COL1A1: variants seen among roughly 807,000 people sequenced by gnomAD.
COL1A1 encodes collagen type I alpha 1 chain.
In COL1A1, 21 loss-of-function variants were observed where a neutral mutation model predicts 195.7. That is an observed-to-expected ratio of 0.11 (90% confidence interval 0.08 to 0.15). COL1A1 has a LOEUF of 0.15. COL1A1 is among the 10% of genes least tolerant of loss of function. The pLI, the probability that COL1A1 is intolerant of heterozygous loss-of-function variation, is 1.00. For missense variants in COL1A1, 1,365 were observed against 2,051.0 expected, an observed-to-expected ratio of 0.67 and a Z score of 6.46; for synonymous variants, 749 against 747.3, an observed-to-expected ratio of 1.00 and a Z score of -0.04.
At position 50,201,589 on chromosome 17, in the gene COL1A1, C is replaced by T. The variant is rs1036238882; in HGVS notation, c.-76G>A. 6.0e-6 allele frequency: 8 copies of T among 1,336,728 alleles called. No individual in the cohort carries two copies. Among genetic ancestry groups the T allele is most frequent in the Middle Eastern group, 2.6e-4 (1 of 3,850 alleles). The allele number at this position is 1,336,728 out of a possible 1,614,324, so 82.8% of individuals were successfully genotyped here. On this transcript the variant is annotated 5_prime_UTR_variant, in exon 1 of 51. Coordinates refer to ENST00000225964, the MANE Select transcript of COL1A1 (RefSeq NM_000088.4). ...TCCGCTCATGCGTGGCCTCACACTC[C>T]GCGTGCCTCCTGCTCCGACCCCGAG... is the stretch of plus-strand genomic sequence containing the variant.
At chr17:50,201,382 C>G in intron 1 of COL1A1, 29 bp downstream of exon 1, 3 of 1,607,520 alleles carry the variant, frequency 1.9e-6, no homozygotes, top group Non-Finnish European at 2.6e-6. Flanking sequence ...TATAGAGTAT[C>G]CTTGCACTCC....
chr17:50,185,449 GT>G lies in COL1A1; in HGVS notation c.*52del. The G allele has an allele frequency of 1.2e-6, 2 of 1,610,796 alleles. No individual in the cohort carries two copies. Among genetic ancestry groups the G allele is most frequent in the Non-Finnish European group, 1.7e-6 (2 of 1,177,848 alleles). On this transcript the variant is annotated 3_prime_UTR_variant, in exon 51 of 51. Transcript: ENST00000225964. ...GTTTGGGTTGCTTGTCTGTTTCCGG[GT>G]TGGGGGGAAAGTTGGTTGGGTGGGA...
chr17:50,189,703 G>C lies in COL1A1; in HGVS notation c.2643C>G (p.Gly881=), dbSNP rs1414204760. Residue 881 remains glycine, a synonymous_variant, in exon 38 of 51, where the codon GGC becomes GGG. Transcript: ENST00000225964. This position sits in a 1 kb window ranked among gnomAD's most constrained non-coding sequence, Gnocchi z 5.5. ...CAGAGGGGCCAGGAGGACCGACTCG[G>C]CCAGCAGCACCAGGGAAACCAGTAG... ...PGATGFPGAA[G]RVGPPGPSGN... 13 of 1,614,052 alleles carry C rather than the reference G, an allele frequency of 8.1e-6. No homozygotes were observed. The highest frequency in any genetic ancestry group is 1.1e-5 in the Non-Finnish European group (13 of 1,179,994).
rs1906605479 is a variant in COL1A1 at position 50,187,019 on chromosome 17, G to A, written c.3527C>T (p.Pro1176Leu). Residue 1176 changes from proline to leucine, a missense_variant, in exon 47 of 51, where the codon CCT becomes CTT. Around this residue, in one of 5 missense-constraint regions of COL1A1, gnomAD observed 671 missense variants for 1,099.9 expected, o/e 0.61. Coordinates refer to ENST00000225964, the MANE Select transcript of COL1A1 (RefSeq NM_000088.4). ...AGGGGATGAGGGGCTACATACAACA[G>A]GACCAGCATCACCAGTGCGACCGCG... The part of the protein sequence containing the change: ...GPRGRTGDAG[P>L]VGPPGPPGPP... 1 of 1,613,400 alleles carries A rather than the reference G, an allele frequency of 6.2e-7. No homozygotes were observed. Among genetic ancestry groups the A allele is most frequent in the Non-Finnish European group, 8.5e-7 (1 of 1,179,724 alleles).
rs1466857238 is a variant in COL1A1 at position 50,188,381 on chromosome 17, A to C, written c.3207+149T>G. The C allele has an allele frequency of 6.5e-6, 6 of 916,670 alleles. No individual in the cohort carries two copies. The East Asian group carries it at 1.5e-4, about 23-fold the overall frequency. The allele number at this position is 916,670 out of a possible 1,614,324, so 56.8% of individuals were successfully genotyped here. A position where few individuals can be genotyped will look rare whatever the true frequency, so the allele number is the denominator to read the frequency against. The stretch of plus-strand genomic sequence containing the variant: ...GGGACTTGGGGCTGAGCTTTAACTC[A>C]GTTTTTTGGATTAAGGCCCTGACAT... On this transcript the variant is annotated intron_variant, in intron 43 of 50. Coordinates refer to ENST00000225964, the MANE Select transcript of COL1A1 (RefSeq NM_000088.4). This position sits in a 1 kb window ranked among gnomAD's most constrained non-coding sequence, Gnocchi z 5.6.
rs1907392216 is a variant in COL1A1 at position 50,194,548 on chromosome 17, C to T, written c.1515+25G>A. 6.2e-7 allele frequency: 1 copy of T among 1,601,992 alleles called. No individual in the cohort carries two copies. Among genetic ancestry groups the T allele is most frequent in the East Asian group, 2.3e-5 (1 of 44,194 alleles). ...GATGCCCAGGGAGCGGCAGGGTCAGCCCCCCGGCCGCAAGGAGAGGTTACC... is the reference window on the plus strand; with the variant it reads ...GATGCCCAGGGAGCGGCAGGGTCAGTCCCCCGGCCGCAAGGAGAGGTTACC... On this transcript the variant is annotated intron_variant, in intron 22 of 50. Transcript: ENST00000225964. This position sits in a 1 kb window ranked among gnomAD's most constrained non-coding sequence, Gnocchi z 6.8.
At chr17:50,191,191 C>T (rs1206789688) in intron 32 of COL1A1, among the ~76,000 whole-genome samples, 192 bp downstream of exon 32, 2 of 151,980 alleles carry the variant, frequency 1.3e-5, no homozygotes, top group East Asian at 1.9e-4. Flanking sequence ...ACCATGGTAA[C>T]CCATGGGGAT....
chr17:50,191,045 C>A (rs1452083952), intron 32 of COL1A1, 121 bp from the exon 33 acceptor site: 6 of 943,998 alleles, frequency 6.4e-6, no homozygotes, highest in Non-Finnish European at 8.3e-6. Context: ...CCACCTGGGC[C>A]AAGGACTCAA....
chr17:50,189,369 G>A lies in COL1A1; in HGVS notation c.2829+8C>T, dbSNP rs375531492. The A allele has an allele frequency of 8.1e-6, 13 of 1,613,342 alleles. No homozygotes were observed. The highest frequency in any genetic ancestry group is 1.1e-5 in the South Asian group (1 of 91,070). Reference sequence around the variant, plus strand: ...TCCGGAGCTGCAGAGATCTGAGCTGGCACTTACAGCAGGACCATCAGCACC... The same window carrying A: ...TCCGGAGCTGCAGAGATCTGAGCTGACACTTACAGCAGGACCATCAGCACC... On this transcript the variant is annotated splice_region_variant and intron_variant, in intron 39 of 50. Coordinates refer to ENST00000225964, the MANE Select transcript of COL1A1 (RefSeq NM_000088.4). This position sits in a 1 kb window ranked among gnomAD's most constrained non-coding sequence, Gnocchi z 5.5.
chr17:50,189,690 G>A lies in COL1A1; in HGVS notation c.2656C>T (p.Pro886Ser). 1 of 1,614,064 alleles carries A rather than the reference G, an allele frequency of 6.2e-7. No homozygotes were observed. Among genetic ancestry groups the A allele is most frequent in the Non-Finnish European group, 8.5e-7 (1 of 1,180,002 alleles). ...FPGAAGRVGP[P>S]GPSGNAGPPG... The stretch of plus-strand genomic sequence containing the variant: ...CTGCAGAGACTTACAGAGGGGCCAG[G>A]AGGACCGACTCGGCCAGCAGCACCA... The change falls in exon 38 of 51, where the codon CCT (proline) becomes TCT (serine). Residue 886 changes from proline to serine, a missense_variant. Pro to Ser is a moderately conservative substitution (Grantham distance 74, BLOSUM62 -1). This residue lies in a region of COL1A1 where 671 missense variants were observed against 1,099.9 expected (regional missense o/e 0.61). Transcript: ENST00000225964. The surrounding 1 kb of genome is among the most constrained non-coding windows in gnomAD (Gnocchi z 5.5).
At position 50,189,383 on chromosome 17, in the gene COL1A1, A is replaced by G; in HGVS notation, c.2823T>C (p.Gly941=). 1 of 1,613,164 alleles carries G rather than the reference A, an allele frequency of 6.2e-7. No individual in the cohort carries two copies. The highest frequency in any genetic ancestry group is 8.5e-7 in the Non-Finnish European group (1 of 1,179,774). Reference sequence around the variant, plus strand: ...GATCTGAGCTGGCACTTACAGCAGGACCATCAGCACCAGGGGATCCTTTCT... The same window carrying G: ...GATCTGAGCTGGCACTTACAGCAGGGCCATCAGCACCAGGGGATCCTTTCT... ...AGEKGSPGAD[G]PAGAPGTPGP... is the part of the protein sequence containing the mutation. The change falls in exon 39 of 51, where the codon GGT becomes GGC. Residue 941 remains glycine, a synonymous_variant. Coordinates refer to ENST00000225964, the MANE Select transcript of COL1A1 (RefSeq NM_000088.4). The surrounding 1 kb of genome is among the most constrained non-coding windows in gnomAD (Gnocchi z 5.5).
In COL1A1 at chr17:50,190,134, T is replaced by C. The variant is rs891116121; in HGVS notation, c.2452-26A>G. 1.9e-6 allele frequency: 3 copies of C among 1,595,544 alleles called. No individual in the cohort carries two copies. The highest frequency in any genetic ancestry group is 2.6e-6 in the Non-Finnish European group (3 of 1,163,686). On this transcript the variant is annotated intron_variant, in intron 35 of 50. Transcript: ENST00000225964. The surrounding 1 kb of genome is among the most constrained non-coding windows in gnomAD (Gnocchi z 4.7). ...CTGGGGGAGGAAGCAGGGCGGTGAA[T>C]GGAGGGAAGGAGGCAGGAGTTTCCA...
At position 50,189,667 on chromosome 17, in the gene COL1A1, G is replaced by A. The variant is rs775378880; in HGVS notation, c.2667+12C>T. 5.6e-6 allele frequency: 9 copies of A among 1,613,786 alleles called. No homozygotes were observed. Among genetic ancestry groups the A allele is most frequent in the East Asian group, 4.5e-5 (2 of 44,888 alleles). On this transcript the variant is annotated intron_variant, in intron 38 of 50. Coordinates refer to ENST00000225964, the MANE Select transcript of COL1A1 (RefSeq NM_000088.4). This position sits in a 1 kb window ranked among gnomAD's most constrained non-coding sequence, Gnocchi z 5.5. ...CCAACCTAGAGCAGTGGACTCTGCT[G>A]CAGAGACTTACAGAGGGGCCAGGAG...
At position 50,188,653 on chromosome 17, in the gene COL1A1, G is replaced by A. The variant is rs753264677; in HGVS notation, c.3100-16C>T. On this transcript the variant is annotated splice_polypyrimidine_tract_variant and intron_variant, in intron 42 of 50. Transcript: ENST00000225964. This position sits in a 1 kb window ranked among gnomAD's most constrained non-coding sequence, Gnocchi z 5.6. ...CACGGTCACCCTGGCGGGGAGAGCA[G>A]GGGAATATGGGTCAGCCCCGGGTGA... 6.2e-7 allele frequency: 1 copy of A among 1,613,490 alleles called. No individual in the cohort carries two copies. The highest frequency in any genetic ancestry group is 1.7e-5 in the Admixed American group (1 of 60,006).
In COL1A1 at chr17:50,194,105, G is replaced by A; in HGVS notation, c.1668+25C>T. The A allele has an allele frequency of 1.2e-6, 2 of 1,612,498 alleles. No homozygotes were observed. The highest frequency in any genetic ancestry group is 1.1e-5 in the South Asian group (1 of 91,038). On this transcript the variant is annotated intron_variant, in intron 24 of 50. Transcript: ENST00000225964. The surrounding 1 kb of genome is among the most constrained non-coding windows in gnomAD (Gnocchi z 6.8). ...AGGGAGGCAGACAGGACAATGGCAG[G>A]GGGTTCAGGGGGAGTGATACTTACA...
rs770077611 is a variant in COL1A1 at position 50,193,671 on chromosome 17, C to T, written c.1767+272G>A. On this transcript the variant is annotated intron_variant, in intron 25 of 50. Coordinates refer to ENST00000225964, the MANE Select transcript of COL1A1 (RefSeq NM_000088.4). ...TAATCTTTTGTATTTTTAGTAGAGA[C>T]GTGGTTTCACTATGTTGGCCCGACT... is the stretch of plus-strand genomic sequence containing the variant. 1.7e-4 allele frequency: 74 copies of T among 433,388 alleles called. No homozygotes were observed. The Middle Eastern group carries it at 3.5e-3, about 20-fold the overall frequency. 26.8% of individuals were successfully genotyped at this position (433,388 alleles called of 1,614,324 possible).
chr17:50,190,004 G>T lies in COL1A1; in HGVS notation c.2556C>A (p.Pro852=). ...CACAGAGGGCCAAGCCACTCACAAT[G>T]GGGCCAGGGGGTCCAGCGGGTCCGG... The part of the protein sequence containing the change: ...GPAGPAGPPG[P]IGNVGAPGAK... Residue 852 remains proline, a synonymous_variant, in exon 36 of 51, where the codon CCC becomes CCA. Coordinates refer to ENST00000225964, the MANE Select transcript of COL1A1 (RefSeq NM_000088.4). The surrounding 1 kb of genome is among the most constrained non-coding windows in gnomAD (Gnocchi z 4.7). 6.2e-7 allele frequency: 1 copy of T among 1,612,274 alleles called. No homozygotes were observed. Among genetic ancestry groups the T allele is most frequent in the South Asian group, 1.1e-5 (1 of 90,922 alleles).
chr17:50,190,214 T>TC lies in COL1A1; in HGVS notation c.2452-107dup, dbSNP rs975114698. 6.3e-6 allele frequency: 8 copies of TC among 1,269,716 alleles called. No homozygotes were observed. The highest frequency in any genetic ancestry group is 9.2e-6 in the Non-Finnish European group (8 of 867,536). The allele number at this position is 1,269,716 out of a possible 1,614,324, so 78.7% of individuals were successfully genotyped here. A position where few individuals can be genotyped will look rare whatever the true frequency, so the allele number is the denominator to read the frequency against. The stretch of plus-strand genomic sequence containing the variant: ...AGGAAGATGCTTGGGTGGGAAACAA[T>TC]CCCGTCTCCACCCTTCTCCCCTGAG... On this transcript the variant is annotated intron_variant, in intron 35 of 50. Transcript: ENST00000225964. This position sits in a 1 kb window ranked among gnomAD's most constrained non-coding sequence, Gnocchi z 4.7.
At chr17:50,193,354 C>A (rs1907266812) in intron 25 of COL1A1, 3 of 505,108 alleles carry the variant, frequency 5.9e-6, no homozygotes, top group Non-Finnish European at 7.1e-6. Flanking sequence ...ACTGGGGGTG[C>A]CTATCATATC....
Sources: allele counts gnomAD v4.1 joint callset (sites outside exome capture counted in the v4.1 genomes callset), GRCh38; gene constraint gnomAD v4.1.1; regional missense constraint gnomAD v4.1.1; non-coding constraint Gnocchi (gnomAD v3.1); transcripts MANE v1.5; gene names NCBI Gene and HGNC (gene_info 2026-07-23, HGNC 2026-07-21).